The following ZNF91 variants were observed in gnomAD, a reference collection of about 807,000 sequenced individuals.
ZNF91 encodes zinc finger protein 91 (HPF7, HTF10).
Under a neutral mutation model 12.6 loss-of-function variants are expected in ZNF91, and 7 were observed. The ratio of observed to expected loss-of-function variants is 0.55; its 90% CI spans 0.31 to 1.04. The LOEUF is 1.04. Ranked by LOEUF, ZNF91 falls within the 50% of genes least tolerant of loss-of-function variation. The probability of loss-of-function intolerance (pLI) is 0.05; values close to 1 mark genes in which losing one functional copy is unlikely to be tolerated. For missense variants in ZNF91, 1,217 were observed against 1,385.4 expected (o/e 0.88, Z 1.93); for synonymous variants, 453 against 462.6 (o/e 0.98, Z 0.27).
chr19:23,319,481 A>T (rs4021373), intron 1 of ZNF91, among the ~76,000 whole-genome samples: 7 of 152,160 alleles, frequency 4.6e-5, no homozygotes, highest in African/African-American at 1.7e-4. Flanking sequence ...CCAGGCCCCA[A>T]ATATTTGGTG....
upstream of ZNF91, among the ~76,000 whole-genome samples, chr19:23,315,075 T>C (rs1445298899): frequency 6.6e-6 from 1 of 152,234 alleles, no homozygotes; most frequent in East Asian, 1.9e-4. Flanking sequence ...GATGATGTTA[T>C]CGTTTTACAT....
chr19:23,320,725 T>G lies in ZNF91; in HGVS notation n.117-11628A>C, dbSNP rs554462043. ...GCCAAACCATGTATCTCATAAATTCTTTGGGTGGTACAGAGAGTGTACTAA... is the reference window on the plus strand; with the variant it reads ...GCCAAACCATGTATCTCATAAATTCGTTGGGTGGTACAGAGAGTGTACTAA... On this transcript the variant is annotated intron_variant and non_coding_transcript_variant, in intron 1 of 1. Transcript: ENST00000596528. Among the ~76,000 whole-genome samples, 15 of 152,306 alleles carry G rather than the reference T, an allele frequency of 9.8e-5. 1 individual carries two copies. In the South Asian group the frequency reaches 1.9e-3, roughly 19 times the overall value.
chr19:23,306,676 T>C (rs1967403790), intron 3 of ZNF91: 1 of 152,234 alleles, frequency 6.6e-6, no homozygotes, highest in African/African-American at 2.4e-5. Flanking sequence ...TTGTGAGATA[T>C]CTCTGTGTCC....
intron 3 of ZNF91, among the ~76,000 whole-genome samples, chr19:23,370,326 T>G (rs756823245): frequency 6.6e-6 from 1 of 152,178 alleles, no homozygotes; most frequent in Non-Finnish European, 1.5e-5. Context: ...TTCACTAAGA[T>G]ATATAAAATA....
chr19:23,312,944 T>C (rs1431225944), upstream of ZNF91, among the ~76,000 whole-genome samples: 1 of 152,220 alleles, frequency 6.6e-6, no homozygotes, highest in Non-Finnish European at 1.5e-5. Context: ...TTGACTCTTA[T>C]ATGTGAATCT....
At chr19:23,364,522 G>A (rs1190781925) in intron 3 of ZNF91, among the ~76,000 whole-genome samples, 4 of 151,418 alleles carry the variant, frequency 2.6e-5, no homozygotes, top group Non-Finnish European at 5.9e-5. Context: ...GCAATATGTT[G>A]CATGAAAATT....
chr19:23,387,752 C>A (rs565506723), intron 1 of ZNF91, among the ~76,000 whole-genome samples: 27 of 151,598 alleles, frequency 1.8e-4, no homozygotes, highest in Non-Finnish European at 3.8e-4. Flanking sequence ...CTAGCCTGGC[C>A]AACATGGTAA....
At chr19:23,305,437 C>A (rs1281593158) in intron 3 of ZNF91, among the ~76,000 whole-genome samples, 1 of 152,076 alleles carries the variant, frequency 6.6e-6, no homozygotes, top group East Asian at 1.9e-4. Flanking sequence ...TTCTGATCAG[C>A]CAATTAGCTC....
chr19:23,352,282 T>C (rs1968385391), intron 3 of ZNF91, among the ~76,000 whole-genome samples: 7 of 152,128 alleles, frequency 4.6e-5, no homozygotes, highest in Admixed American at 4.6e-4. Flanking sequence ...CCCACTTCCC[T>C]GACATCCTGT....
chr19:23,347,886 T>C (rs1189526010), intron 3 of ZNF91, among the ~76,000 whole-genome samples: 3 of 152,184 alleles, frequency 2.0e-5, no homozygotes, highest in Non-Finnish European at 2.9e-5. Context: ...TGCTATCTTC[T>C]AGTCTTTGTC....
intron 3 of ZNF91, among the ~76,000 whole-genome samples, chr19:23,369,293 G>A (rs1969161651): frequency 1.3e-5 from 2 of 151,210 alleles, no homozygotes; most frequent in Non-Finnish European, 3.0e-5. Context: ...CTGGGCGACA[G>A]AGCAAGAATT....
chr19:23,360,057 A>C lies in ZNF91; in HGVS notation c.2922T>G (p.Ala974=). Reference sequence around the variant, plus strand: ...CAGTAAGAGTTGAAGATTTCCTAAAAGCTTTGCCACATTCTTCACATTTGT... The same window carrying C: ...CAGTAAGAGTTGAAGATTTCCTAAACGCTTTGCCACATTCTTCACATTTGT... ...KPYKCEECGK[A]FRKSSTLTEH... Residue 974 remains alanine, a synonymous_variant, in exon 4 of 4, where the codon GCT becomes GCG. Transcript: ENST00000300619. 1 of 1,592,054 alleles carries C rather than the reference A, an allele frequency of 6.3e-7. No homozygotes were observed. Among genetic ancestry groups the C allele is most frequent in the Non-Finnish European group, 8.5e-7 (1 of 1,171,556 alleles).
At chr19:23,357,547 C>G (rs749070991), downstream of ZNF91, 2 of 152,138 alleles carry the variant, frequency 1.3e-5, no homozygotes, top group Non-Finnish European at 2.9e-5. Flanking sequence ...TTTATTTACA[C>G]CTAAGATTCA....
intron 1 of ZNF91, among the ~76,000 whole-genome samples, chr19:23,382,501 C>A (rs1440849705): frequency 3.9e-5 from 6 of 152,094 alleles, no homozygotes; most frequent in Non-Finnish European, 8.8e-5. Flanking sequence ...AATATGAGAA[C>A]CTAAACTCAA....
intron 1 of ZNF91, among the ~76,000 whole-genome samples, chr19:23,332,127 A>AC (rs1440514236): frequency 6.6e-6 from 1 of 152,208 alleles, no homozygotes; most frequent in Non-Finnish European, 1.5e-5. Flanking sequence ...AATCATATAA[A>AC]CCAGAAGTTA....
intron 1 of ZNF91, among the ~76,000 whole-genome samples, chr19:23,382,799 GAACA>G (rs1459541531): frequency 6.6e-6 from 1 of 151,954 alleles, no homozygotes; most frequent in Non-Finnish European, 1.5e-5. Flanking sequence ...TTCCAAGAAT[GAACA>G]AAAAAGAAAT....
chr19:23,376,103 A>G lies in ZNF91; in HGVS notation c.31-1339T>C, dbSNP rs117393002. On this transcript the variant is annotated intron_variant, in intron 1 of 3. Coordinates refer to ENST00000300619, the MANE Select transcript of ZNF91 (RefSeq NM_003430.4). ...GGGTAATAAATGCCATCCTGTTTAA[A>G]TGAGCACTTTCTTAATCCTGTAATG... Among the ~76,000 whole-genome samples the G allele has an allele frequency of 7.0e-3, 1,068 of 152,320 alleles. 7 individuals carry two copies. Among genetic ancestry groups the G allele is most frequent in the Non-Finnish European group, 0.012 (803 of 68,026 alleles).
At chr19:23,319,250 G>A (rs905642511) in intron 1 of ZNF91, among the ~76,000 whole-genome samples, 1 of 152,178 alleles carries the variant, frequency 6.6e-6, no homozygotes, top group Admixed American at 6.5e-5. Context: ...TCTCCTGCCT[G>A]AGCTCAGCAT....
At chr19:23,339,076 T>C (rs1193179325) in intron 3 of ZNF91, 4 of 148,664 alleles carry the variant, frequency 2.7e-5, no homozygotes, top group African/African-American at 7.4e-5. Flanking sequence ...AAAAAAAGTA[T>C]AGATTTATGA....
Sources: gnomAD v4.1 joint callset for allele counts (sites outside exome capture counted in the v4.1 genomes callset) on GRCh38, gnomAD v4.1.1 for gene constraint, MANE v1.5 for transcripts, NCBI Gene and HGNC (gene_info 2026-07-23, HGNC 2026-07-21) for gene names.